WDR4: variants seen among roughly 807,000 people sequenced by gnomAD.
The protein encoded by WDR4 is WDR4 tRNA N7-guanosine methyltransferase non-catalytic subunit.
WDR4 carries 47 observed loss-of-function variants against 48.6 expected under a neutral mutation model. The ratio of observed to expected loss-of-function variants is 0.97; its 90% CI spans 0.77 to 1.23. WDR4 has a LOEUF of 1.23. Among genes scored for constraint, WDR4 ranks in the 50% most tolerant of loss-of-function variants. The pLI is 0.00. For synonymous variants in WDR4, 268 were observed against 230.0 expected, an observed-to-expected ratio of 1.17 and a Z score of -1.49; for missense variants, 606 against 551.6, an observed-to-expected ratio of 1.10 and a Z score of -0.99.
In WDR4 at chr21:42,853,632, C is replaced by G. The variant is rs374402701; in HGVS notation, c.912G>C (p.Trp304Cys). ...GGGCTTCCTGGCAGTCCTGGAGCAC[C>G]CACAGCCCCTGGGTCTCCTCGAAAG... The part of the protein sequence containing the change: ...DVAFEETQGL[W>C]VLQDCQEAPL... The change falls in exon 9 of 11, where the codon TGG (tryptophan) becomes TGC (cysteine). Residue 304 changes from tryptophan to cysteine, a missense_variant. Trp to Cys is a radical substitution (Grantham distance 215). Coordinates refer to ENST00000398208, the MANE Select transcript of WDR4 (RefSeq NM_018669.6). 3.1e-6 allele frequency: 5 copies of G among 1,607,412 alleles called. No homozygotes were observed. The highest frequency in any genetic ancestry group is 4.2e-6 in the Non-Finnish European group (5 of 1,178,000).
the WDR4 span, among the ~76,000 whole-genome samples, chr21:42,891,823 G>T: frequency 3.9e-5 from 6 of 152,142 alleles, 1 homozygote; most frequent in South Asian, 1.2e-3. Context: ...CGGGCGTGGT[G>T]GCTCATGCCT....
chr21:42,877,407 G>A (rs971386005), intron 1 of WDR4, among the ~76,000 whole-genome samples: 1 of 148,838 alleles, frequency 6.7e-6, no homozygotes, highest in Non-Finnish European at 1.5e-5. Flanking sequence ...GCCTCCCAAA[G>A]TGCTGAGATT....
chr21:42,859,862 G>C lies in WDR4; in HGVS notation c.567-140C>G, dbSNP rs375198990. 677 of 859,782 alleles carry C rather than the reference G, an allele frequency of 7.9e-4. No homozygotes were observed. The African/African-American group carries it at 0.01, about 13-fold the overall frequency. 53.3% of individuals were successfully genotyped at this position (859,782 alleles called of 1,614,324 possible). On this transcript the variant is annotated intron_variant, in intron 5 of 10. Transcript: ENST00000398208. ...TGATCCAATAAAAACAGCCAACATGGGAAGTAGCTGTTAACCCTAACCTGG... is the reference window on the plus strand; with the variant it reads ...TGATCCAATAAAAACAGCCAACATGCGAAGTAGCTGTTAACCCTAACCTGG...
intron 3 of WDR4, among the ~76,000 whole-genome samples, chr21:42,864,738 C>T (rs1186301197): frequency 6.6e-6 from 1 of 152,216 alleles, no homozygotes; most frequent in Non-Finnish European, 1.5e-5. Context: ...CAGGGCTACA[C>T]TACTTCCTGG....
At chr21:42,875,680 C>T (rs974756162) in intron 2 of WDR4, among the ~76,000 whole-genome samples, 1 of 152,090 alleles carries the variant, frequency 6.6e-6, no homozygotes, top group African/African-American at 2.4e-5. Context: ...GCACTCCAAC[C>T]GGGGTAACAG....
chr21:42,857,413 C>A lies in WDR4; in HGVS notation c.628-1633G>T, dbSNP rs931230211. Reference sequence around the variant, plus strand: ...TGCTCTGAAGCCCCTCGGGCCCCACCCTGGGTGCACACACCCAGCCTCTGA... The same window carrying A: ...TGCTCTGAAGCCCCTCGGGCCCCACACTGGGTGCACACACCCAGCCTCTGA... On this transcript the variant is annotated intron_variant, in intron 6 of 10. Transcript: ENST00000398208. 3.9e-5 allele frequency among the ~76,000 whole-genome samples: 6 copies of A among 152,126 alleles called. No individual in the cohort carries two copies. The East Asian group carries it at 7.7e-4, about 20-fold the overall frequency.
At chr21:42,849,130 A>ACCTC (rs1353459516), downstream of WDR4, 2 of 76,190 alleles carry the variant, frequency 2.6e-5, no homozygotes, top group Non-Finnish European at 2.5e-5. Context: ...CGCGGCGCGC[A>ACCTC]CCTCACACAG....
chr21:42,876,860 C>T, intron 1 of WDR4, 93 bp from the exon 2 acceptor site: 1 of 1,167,326 alleles, frequency 8.6e-7, no homozygotes, highest in East Asian at 2.7e-5. Flanking sequence ...CTCTCGTTGT[C>T]CAGGCTCCAG....
chr21:42,890,573 G>T, the WDR4 span, among the ~76,000 whole-genome samples: 16 of 152,190 alleles, frequency 1.1e-4, no homozygotes, highest in Non-Finnish European at 2.1e-4. Context: ...GGAGACACAA[G>T]GGGGAGCCTC....
rs1444896352 is a variant in WDR4, at chr21:42,862,022, G to A, written c.566+260C>T. ...CTCCACACTGAGACAGGGGTTTCCC[G>A]GAAACAAGCCCTTCCTGTTCGGTCA... On this transcript the variant is annotated intron_variant, in intron 5 of 10. Coordinates refer to ENST00000398208, the MANE Select transcript of WDR4 (RefSeq NM_018669.6). This position sits in a 1 kb window ranked among gnomAD's most constrained non-coding sequence, Gnocchi z 4.3. Among the ~76,000 whole-genome samples, 4 of 152,158 alleles carry A rather than the reference G, an allele frequency of 2.6e-5. No homozygotes were observed. Among genetic ancestry groups the A allele is most frequent in the East Asian group, 1.9e-4 (1 of 5,190 alleles).
At chr21:42,858,842 C>T (rs962342516) in intron 6 of WDR4, among the ~76,000 whole-genome samples, 15 of 152,110 alleles carry the variant, frequency 9.9e-5, no homozygotes, top group African/African-American at 3.1e-4. Flanking sequence ...AACATAGAAG[C>T]GGCCAGAAGG....
chr21:42,854,008 G>A (rs1040688082), intron 8 of WDR4, among the ~76,000 whole-genome samples: 5 of 152,194 alleles, frequency 3.3e-5, no homozygotes, highest in Admixed American at 6.5e-5. Flanking sequence ...GGCAGGGCAG[G>A]AGGACGCAGG....
rs375220977 is a variant in WDR4 at position 42,861,086 on chromosome 21, C to A, written c.566+1196G>T. Among the ~76,000 whole-genome samples, 22 of 151,924 alleles carry A rather than the reference C, an allele frequency of 1.4e-4. 1 individual carries two copies. In the South Asian group the frequency reaches 2.1e-3, roughly 14 times the overall value. On this transcript the variant is annotated intron_variant, in intron 5 of 10. Coordinates refer to ENST00000398208, the MANE Select transcript of WDR4 (RefSeq NM_018669.6). ...CAGCACTGTGGGAGGCCGAGGCGGG[C>A]GAATCATGAGGTCAGGAGATCAAGA...
At chr21:42,860,507 C>T (rs1452590647) in intron 5 of WDR4, among the ~76,000 whole-genome samples, 1 of 152,240 alleles carries the variant, frequency 6.6e-6, no homozygotes, top group African/African-American at 2.4e-5. Flanking sequence ...CCCGGGGACC[C>T]TGGAATGGGG....
At chr21:42,879,865 G>C (rs1423220269), upstream of WDR4, 2 of 401,844 alleles carry the variant, frequency 5.0e-6, no homozygotes, top group African/African-American at 2.1e-5. Flanking sequence ...CTAGATGCCT[G>C]GTAAATGATC....
chr21:42,873,375 G>A (rs895314865), intron 3 of WDR4, among the ~76,000 whole-genome samples, 176 bp downstream of exon 3: 2 of 152,156 alleles, frequency 1.3e-5, no homozygotes, highest in African/African-American at 4.8e-5. Flanking sequence ...GAACTGCCGT[G>A]AGGATCAGAT....
At chr21:42,866,642 C>T (rs1346428470) in intron 3 of WDR4, among the ~76,000 whole-genome samples, 1 of 152,034 alleles carries the variant, frequency 6.6e-6, no homozygotes, top group African/African-American at 2.4e-5. Flanking sequence ...GTTCCACTCA[C>T]CCTAGTCCTC....
intron 6 of WDR4, 83 bp downstream of exon 6, chr21:42,859,579 G>GGGCCAGCGATCCACAGC: frequency 2.2e-6 from 3 of 1,382,996 alleles, no homozygotes; most frequent in Non-Finnish European, 3.0e-6. Context: ...CGATCCACAG[G>GGGCCAGCGATCCACAGC]GGCCAGGTCC....
At chr21:42,879,010 G>C (rs2058566268) in intron 1 of WDR4, 1 of 1,021,184 alleles carries the variant, frequency 9.8e-7, no homozygotes, top group Admixed American at 5.8e-5. Context: ...CCCGAGACCC[G>C]CTTCTTCCCA....
Sources: gnomAD v4.1 joint callset for allele counts (sites outside exome capture counted in the v4.1 genomes callset) on GRCh38, gnomAD v4.1.1 for gene constraint, Gnocchi (gnomAD v3.1) non-coding constraint, MANE v1.5 for transcripts, NCBI Gene and HGNC (gene_info 2026-07-23, HGNC 2026-07-21) for gene names.